CNTN1: variants seen among roughly 807,000 people sequenced by gnomAD.
The protein encoded by CNTN1 is contactin 1, also known as contactin-1.
A neutral mutation model predicts 126.4 loss-of-function variants in CNTN1; 38 were observed. The ratio of observed to expected loss-of-function variants is 0.30; its 90% confidence interval spans 0.23 to 0.39. The LOEUF (loss-of-function observed/expected upper bound fraction) is 0.39. Among genes scored for constraint, CNTN1 ranks in the 10% least tolerant of loss-of-function variants. The pLI is 1.00. For synonymous variants in CNTN1, 413 were observed against 422.6 expected (o/e 0.98, Z 0.28); for missense variants, 1,009 against 1,248.4 (o/e 0.81, Z 2.89).
intron 17 of CNTN1, among the ~76,000 whole-genome samples, chr12:41,010,937 T>C (rs1465233384): frequency 1.3e-5 from 2 of 152,184 alleles, no homozygotes; most frequent in African/African-American, 4.8e-5. Context: ...GCCTTCCTTA[T>C]CTCCTTTTTC....
chr12:40,832,476 C>T (rs913721264), intron 1 of CNTN1, among the ~76,000 whole-genome samples: 64 of 152,098 alleles, frequency 4.2e-4, no homozygotes, highest in African/African-American at 1.4e-3. Flanking sequence ...TGTTTGCAGC[C>T]GAGGAACAAT....
chr12:41,034,104 G>A (rs1254013436), intron 23 of CNTN1, among the ~76,000 whole-genome samples: 1 of 152,042 alleles, frequency 6.6e-6, no homozygotes, highest in Non-Finnish European at 1.5e-5. Context: ...CTGGAAAGAA[G>A]GCAGTGGTGG....
intron 14 of CNTN1, among the ~76,000 whole-genome samples, chr12:40,951,990 T>C (rs1006927849): frequency 4.6e-5 from 7 of 152,098 alleles, no homozygotes; most frequent in African/African-American, 1.4e-4. Flanking sequence ...AAGTTTACAA[T>C]TGTTAATCTA....
chr12:41,028,277 C>G (rs1949076830), intron 22 of CNTN1, among the ~76,000 whole-genome samples: 1 of 152,156 alleles, frequency 6.6e-6, no homozygotes, highest in Non-Finnish European at 1.5e-5. Context: ...AATTATCCAC[C>G]TACCTCAACT....
chr12:40,693,810 T>A (rs1941371331), intron 1 of CNTN1, among the ~76,000 whole-genome samples: 1 of 152,044 alleles, frequency 6.6e-6, no homozygotes, highest in South Asian at 2.1e-4. Flanking sequence ...AATTCTCCAT[T>A]GGGGGAAAAG....
intron 3 of CNTN1, 35 bp from the exon 4 acceptor site, chr12:40,918,604 C>A (rs771639680): frequency 6.3e-7 from 1 of 1,594,696 alleles, no homozygotes; most frequent in Non-Finnish European, 8.6e-7. Context: ...ACTTATAAAG[C>A]AGTACAATGT....
intron 23 of CNTN1, among the ~76,000 whole-genome samples, chr12:41,034,981 C>T (rs1410956327): frequency 6.6e-6 from 1 of 152,152 alleles, no homozygotes; most frequent in Non-Finnish European, 1.5e-5. Flanking sequence ...AGGGAGTTTC[C>T]AGAGCCTTAA....
intron 23 of CNTN1, among the ~76,000 whole-genome samples, chr12:41,031,983 G>A (rs192713703): frequency 7.4e-4 from 113 of 151,974 alleles, no homozygotes; most frequent in African/African-American, 2.6e-3. Context: ...TACGTAGCCA[G>A]GATTATAACA....
At chr12:40,999,838 G>T (rs552023155) in intron 17 of CNTN1, among the ~76,000 whole-genome samples, 1 of 151,620 alleles carries the variant, frequency 6.6e-6, no homozygotes, top group African/African-American at 2.4e-5. Flanking sequence ...AAGTAGCTGG[G>T]ACTACAGGCG....
chr12:40,778,328 G>A (rs1323054738), intron 1 of CNTN1, among the ~76,000 whole-genome samples: 1 of 151,694 alleles, frequency 6.6e-6, no homozygotes, highest in Non-Finnish European at 1.5e-5. Context: ...AAGTTTTATT[G>A]GAACATAGCC....
chr12:41,046,847 C>CTTTTTTTTTTTTTTTT (rs56655599), intron 23 of CNTN1, among the ~76,000 whole-genome samples: 6 of 118,992 alleles, frequency 5.0e-5, no homozygotes, highest in Admixed American at 9.1e-5. Flanking sequence ...TTGCTTATTT[C>CTTTTTTTTTTTTTTTT]TTTTTTTTTT....
intron 1 of CNTN1, chr12:40,729,089 A>ACTG: frequency 5.7e-6 from 1 of 175,344 alleles, no homozygotes; most frequent in Non-Finnish European, 1.2e-5. Flanking sequence ...TGACAACAAG[A>ACTG]CTGGTGCCAA....
chr12:40,976,909 A>G (rs1316417740), intron 15 of CNTN1, among the ~76,000 whole-genome samples: 1 of 152,202 alleles, frequency 6.6e-6, no homozygotes, highest in African/African-American at 2.4e-5. Context: ...CATCAAAATT[A>G]CTGGAAAACA....
intron 23 of CNTN1, chr12:41,062,003 C>A: frequency 4.8e-6 from 1 of 207,260 alleles, no homozygotes; most frequent in Non-Finnish European, 1.0e-5. Flanking sequence ...GATACACAGA[C>A]AATATCATAA....
chr12:41,010,552 C>T (rs1226488289), intron 17 of CNTN1, among the ~76,000 whole-genome samples: 1 of 152,194 alleles, frequency 6.6e-6, no homozygotes, highest in Non-Finnish European at 1.5e-5. Flanking sequence ...TTAGGAGGTT[C>T]TCCAAGATGC....
chr12:40,844,424 T>TG (rs1357011788), intron 1 of CNTN1, among the ~76,000 whole-genome samples: 1 of 152,132 alleles, frequency 6.6e-6, no homozygotes, highest in African/African-American at 2.4e-5. Context: ...TTTTTTTGTG[T>TG]GTGTTCTTTA....
chr12:40,950,010 A>AG (rs1946608539), intron 14 of CNTN1, among the ~76,000 whole-genome samples: 1 of 152,132 alleles, frequency 6.6e-6, no homozygotes, highest in Admixed American at 6.6e-5. Context: ...AGGCAGCCAC[A>AG]GGGAGATCGT....
At chr12:40,835,838 AC>A (rs1942029700) in intron 1 of CNTN1, among the ~76,000 whole-genome samples, 1 of 147,652 alleles carries the variant, frequency 6.8e-6, no homozygotes, top group Non-Finnish European at 1.5e-5. Flanking sequence ...ACACACACAC[AC>A]AAGTTGGAGC....
At chr12:41,028,461 A>G (rs1949079845) in intron 22 of CNTN1, among the ~76,000 whole-genome samples, 1 of 152,240 alleles carries the variant, frequency 6.6e-6, no homozygotes, top group African/African-American at 2.4e-5. Flanking sequence ...AAAGTGTAAG[A>G]TAAGTAGAAT....
Sources: gnomAD v4.1 joint callset for allele counts (sites outside exome capture counted in the v4.1 genomes callset) on GRCh38, gnomAD v4.1.1 for gene constraint, MANE v1.5 for transcripts, NCBI Gene and HGNC (gene_info 2026-07-23, HGNC 2026-07-21) for gene names.